Variants in CDH18 observed in about 807,000 individuals in gnomAD.
CDH18 encodes the protein cadherin 18.
CDH18 carries 31 observed loss-of-function variants against 67.9 expected under a neutral mutation model. The ratio of observed to expected loss-of-function variants is 0.46; its 90% CI spans 0.34 to 0.62. The LOEUF is 0.62. Among genes scored for constraint, CDH18 ranks in the 20% least tolerant of loss-of-function variants. The pLI, the probability that CDH18 is intolerant of heterozygous loss-of-function variation, is 0.01. For synonymous variants in CDH18, 362 were observed against 347.2 expected (o/e 1.04, Z -0.48); for missense variants, 890 against 975.5 (o/e 0.91, Z 1.17).
intron 2 of CDH18, among the ~76,000 whole-genome samples, chr5:20,132,686 TAAGTC>T (rs1349966431): frequency 1.3e-5 from 2 of 152,172 alleles, no homozygotes; most frequent in African/African-American, 4.8e-5. Flanking sequence ...TTAATTAATT[TAAGTC>T]AACTTTCAAA....
At chr5:19,861,630 G>A (rs1160803201) in intron 2 of CDH18, among the ~76,000 whole-genome samples, 1 of 152,156 alleles carries the variant, frequency 6.6e-6, no homozygotes, top group Non-Finnish European at 1.5e-5. Flanking sequence ...TTGAGATAAT[G>A]AGAAGGGTCA....
intron 2 of CDH18, among the ~76,000 whole-genome samples, chr5:20,164,830 A>G (rs1350328127): frequency 6.6e-6 from 1 of 152,186 alleles, no homozygotes; most frequent in African/African-American, 2.4e-5. Flanking sequence ...TTGTAAATTG[A>G]ACTAAAAGAT....
chr5:20,295,841 G>GAC, intron 1 of CDH18, among the ~76,000 whole-genome samples: 1 of 74,592 alleles, frequency 1.3e-5, no homozygotes, highest in Non-Finnish European at 2.7e-5. Flanking sequence ...TCAATCTGCA[G>GAC]ACATTTTATT....
At chr5:19,883,444 A>T (rs1473655261) in intron 2 of CDH18, among the ~76,000 whole-genome samples, 13 of 146,972 alleles carry the variant, frequency 8.8e-5, no homozygotes, top group African/African-American at 1.0e-4. Context: ...CTACATCAAC[A>T]TTTTTTTTTT....
At chr5:19,861,756 G>GA (rs900176825) in intron 2 of CDH18, among the ~76,000 whole-genome samples, 1 of 152,112 alleles carries the variant, frequency 6.6e-6, no homozygotes, top group African/African-American at 2.4e-5. Context: ...GTGAACAACT[G>GA]AAAAAATTGT....
At chr5:20,103,018 T>C (rs1580248568) in intron 2 of CDH18, among the ~76,000 whole-genome samples, 1 of 152,162 alleles carries the variant, frequency 6.6e-6, no homozygotes, top group Admixed American at 6.5e-5. Context: ...ATGAGACTCT[T>C]AGAAATTTAT....
intron 2 of CDH18, among the ~76,000 whole-genome samples, chr5:19,947,385 C>G (rs917651022): frequency 1.3e-5 from 2 of 151,622 alleles, no homozygotes; most frequent in Admixed American, 6.6e-5. Context: ...AGACATTGAA[C>G]AAAATCTTCA....
At chr5:19,543,501 TTTC>T (rs1473306961) in intron 9 of CDH18, among the ~76,000 whole-genome samples, 1 of 152,168 alleles carries the variant, frequency 6.6e-6, no homozygotes, top group African/African-American at 2.4e-5. Flanking sequence ...TTTTTCTTTC[TTTC>T]TTTTTTCCTA....
chr5:19,928,347 C>T (rs945451469), intron 2 of CDH18, among the ~76,000 whole-genome samples: 2 of 152,052 alleles, frequency 1.3e-5, no homozygotes, highest in Non-Finnish European at 2.9e-5. Flanking sequence ...TAAAAGAAGG[C>T]CCGGCACACA....
intron 2 of CDH18, among the ~76,000 whole-genome samples, chr5:19,892,971 T>G (rs545735433): frequency 6.6e-6 from 1 of 152,332 alleles, no homozygotes; most frequent in Admixed American, 6.5e-5. Context: ...ATGGCCTAAA[T>G]GCTTTTGTCT....
chr5:20,091,572 C>T (rs900525525), intron 2 of CDH18, among the ~76,000 whole-genome samples: 7 of 151,994 alleles, frequency 4.6e-5, no homozygotes, highest in East Asian at 1.9e-4. Context: ...TTAAATATGG[C>T]CATCATAATC....
chr5:20,439,702 A>G (rs1749463071), intron 1 of CDH18, among the ~76,000 whole-genome samples: 1 of 151,694 alleles, frequency 6.6e-6, no homozygotes, highest in African/African-American at 2.4e-5. Context: ...TTGCTAAAAT[A>G]TTGTCTGAGG....
intron 9 of CDH18, among the ~76,000 whole-genome samples, chr5:19,535,235 T>C (rs1332528834): frequency 6.6e-6 from 1 of 152,202 alleles, no homozygotes; most frequent in Non-Finnish European, 1.5e-5. Flanking sequence ...TACACAATAT[T>C]CCTGAAAAGC....
chr5:19,564,800 C>A (rs1740067814), intron 8 of CDH18, among the ~76,000 whole-genome samples: 1 of 152,066 alleles, frequency 6.6e-6, no homozygotes, highest in Non-Finnish European at 1.5e-5. Context: ...GAGAGAAGTT[C>A]TAAACCTGCC....
At chr5:19,967,438 A>G (rs1161733188) in intron 2 of CDH18, among the ~76,000 whole-genome samples, 2 of 152,074 alleles carry the variant, frequency 1.3e-5, no homozygotes, top group Non-Finnish European at 2.9e-5. Flanking sequence ...GTTCTGTTCT[A>G]GAATCATAAA....
At chr5:19,969,417 C>T (rs1201077436) in intron 2 of CDH18, among the ~76,000 whole-genome samples, 1 of 150,624 alleles carries the variant, frequency 6.6e-6, no homozygotes, top group African/African-American at 2.5e-5. Context: ...CGGCACTATT[C>T]CCAATAGCAA....
intron 5 of CDH18, among the ~76,000 whole-genome samples, chr5:19,718,782 A>G (rs1337153413): frequency 6.6e-6 from 1 of 152,050 alleles, no homozygotes; most frequent in Non-Finnish European, 1.5e-5. Context: ...TATTCAATAT[A>G]TTAAAGCTCT....
intron 1 of CDH18, among the ~76,000 whole-genome samples, chr5:20,283,772 A>G (rs1000211032): frequency 2.0e-5 from 3 of 152,054 alleles, no homozygotes; most frequent in African/African-American, 7.2e-5. Flanking sequence ...AAATAAAGGA[A>G]ATTAGTATGG....
At chr5:20,134,681 C>A (rs535953278) in intron 2 of CDH18, among the ~76,000 whole-genome samples, 1 of 152,066 alleles carries the variant, frequency 6.6e-6, no homozygotes, top group Non-Finnish European at 1.5e-5. Context: ...GTTATAGGTA[C>A]ACAAAGTTTA....
Sources: allele counts gnomAD v4.1 joint callset (sites outside exome capture counted in the v4.1 genomes callset), GRCh38; gene constraint gnomAD v4.1.1; transcripts MANE v1.5; gene names NCBI Gene and HGNC (gene_info 2026-07-23, HGNC 2026-07-21).